LRRC3B: variants seen among roughly 807,000 people sequenced by gnomAD.
LRRC3B encodes the protein leucine-rich repeat-containing protein 3B.
LRRC3B carries 2 observed loss-of-function variants against 12.8 expected under a neutral mutation model. That is an observed-to-expected ratio of 0.16 (90% CI 0.06 to 0.49). The LOEUF (loss-of-function observed/expected upper bound fraction) is 0.49. Ranked by LOEUF, LRRC3B falls within the 20% of genes least tolerant of loss-of-function variation. The pLI, the probability that LRRC3B is intolerant of heterozygous loss-of-function variation, is 0.96. For missense variants in LRRC3B, 189 were observed against 319.4 expected (o/e 0.59, Z 3.11); for synonymous variants, 132 against 122.0 (o/e 1.08, Z -0.54).
intron 1 of LRRC3B, among the ~76,000 whole-genome samples, chr3:26,642,028 G>A (rs1699041351): frequency 6.6e-6 from 1 of 152,090 alleles, no homozygotes; most frequent in South Asian, 2.1e-4. Context: ...AAAAAATTAT[G>A]TTGTGCAAAA....
intron 1 of LRRC3B, among the ~76,000 whole-genome samples, chr3:26,687,852 T>C (rs1371928688): frequency 2.0e-5 from 3 of 152,220 alleles, no homozygotes; most frequent in Non-Finnish European, 4.4e-5. Flanking sequence ...AGATAATCCA[T>C]AGTTTGAATA....
intron 1 of LRRC3B, among the ~76,000 whole-genome samples, chr3:26,647,044 A>G (rs962053283): frequency 1.3e-5 from 2 of 152,092 alleles, no homozygotes; most frequent in Admixed American, 1.3e-4. Flanking sequence ...CTACAGCCAT[A>G]CTGGCCTTCC....
intron 1 of LRRC3B, chr3:26,623,637 C>T (rs925202024): frequency 6.6e-6 from 1 of 152,484 alleles, no homozygotes; most frequent in African/African-American, 2.4e-5. Context: ...GCTCCTGAGG[C>T]GAGGGTTTGG....
At chr3:26,703,095 C>A (rs1700497641) in intron 1 of LRRC3B, among the ~76,000 whole-genome samples, 3 of 152,058 alleles carry the variant, frequency 2.0e-5, no homozygotes, top group African/African-American at 7.2e-5. Flanking sequence ...GGAAAAATTA[C>A]TTATGCAATT....
At chr3:26,657,544 C>T (rs1013962605) in intron 1 of LRRC3B, among the ~76,000 whole-genome samples, 3 of 151,704 alleles carry the variant, frequency 2.0e-5, no homozygotes, top group Non-Finnish European at 4.4e-5. Context: ...TTCTAACTTT[C>T]TTATTTGCTA....
chr3:26,686,090 T>C (rs1256273338), intron 1 of LRRC3B, among the ~76,000 whole-genome samples: 2 of 152,036 alleles, frequency 1.3e-5, no homozygotes, highest in Non-Finnish European at 2.9e-5. Context: ...TCCTTTCTTT[T>C]TTTTTTCGAG....
intron 1 of LRRC3B, among the ~76,000 whole-genome samples, chr3:26,655,260 GA>G (rs1699350114): frequency 1.3e-5 from 2 of 152,082 alleles, no homozygotes; most frequent in Admixed American, 1.3e-4. Context: ...GATATTACAA[GA>G]AAGAAATAAG....
At chr3:26,680,523 G>T (rs140546931) in intron 1 of LRRC3B, among the ~76,000 whole-genome samples, 174 of 152,282 alleles carry the variant, frequency 1.1e-3, no homozygotes, top group African/African-American at 3.9e-3. Context: ...CCATTTGTGG[G>T]TAGGGTAGCC....
intron 1 of LRRC3B, among the ~76,000 whole-genome samples, chr3:26,662,975 G>A (rs1559358903): frequency 6.6e-6 from 1 of 152,078 alleles, no homozygotes; most frequent in African/African-American, 2.4e-5. Context: ...GTGCCTTCTG[G>A]GAATCAAGAG....
chr3:26,637,960 A>G (rs1435524671), intron 1 of LRRC3B, among the ~76,000 whole-genome samples: 1 of 152,214 alleles, frequency 6.6e-6, no homozygotes, highest in Non-Finnish European at 1.5e-5. Context: ...TCATATTTCA[A>G]ACAACAATAG....
intron 1 of LRRC3B, among the ~76,000 whole-genome samples, chr3:26,661,527 T>TA (rs1367700101): frequency 2.0e-5 from 3 of 152,172 alleles, no homozygotes; most frequent in Admixed American, 6.5e-5. Flanking sequence ...TACCCTATTT[T>TA]AAAAAATGTT....
chr3:26,625,665 C>T (rs1220029809), intron 1 of LRRC3B, among the ~76,000 whole-genome samples: 3 of 152,184 alleles, frequency 2.0e-5, no homozygotes, highest in Non-Finnish European at 4.4e-5. Context: ...TCCTTGGCAA[C>T]TTGAGGAAAG....
intron 1 of LRRC3B, among the ~76,000 whole-genome samples, chr3:26,628,160 T>C (rs1166375883): frequency 6.6e-6 from 1 of 152,210 alleles, no homozygotes; most frequent in Non-Finnish European, 1.5e-5. Flanking sequence ...TCTTAAATCA[T>C]ATAAATATGA....
Position 26,685,521 on chromosome 3 carries a change from CTCTATATA to C in LRRC3B, c.-160-23990_-160-23983del, listed in dbSNP as rs1283585923. ...TCTCTCTCTCTCTCTCTCTCTCTCTCTCTATATATATATATATATATATATATATATAT... is the reference window on the plus strand; with the variant it reads ...TCTCTCTCTCTCTCTCTCTCTCTCTCTATATATATATATATATATATATAT... On this transcript the variant is annotated intron_variant, in intron 1 of 1. Transcript: ENST00000396641. Among the ~76,000 whole-genome samples, 322 of 41,450 alleles carry C rather than the reference CTCTATATA, an allele frequency of 7.8e-3. 2 individuals carry two copies. The highest frequency in any genetic ancestry group is 0.023 in the African/African-American group (201 of 8,694). The allele number at this position is 41,450 out of a possible 152,430, so 27.2% of individuals were successfully genotyped here.
exon 2 of LRRC3B, chr3:26,710,219 A>C: frequency 6.2e-7 from 1 of 1,613,786 alleles, no homozygotes; most frequent in Non-Finnish European, 8.5e-7. Flanking sequence ...ACATGCTGGC[A>C]GACCATTCCT....
intron 1 of LRRC3B, among the ~76,000 whole-genome samples, chr3:26,671,373 T>TATATATAGAGAGAGAGAGAGAGAGAGAG (rs1261897533): frequency 2.1e-4 from 6 of 28,252 alleles, no homozygotes; most frequent in African/African-American, 5.8e-4. Flanking sequence ...TATATATATA[T>TATATATAGAGAGAGAGAGAGAGAGAGAG]AGAGAGAGAG....
At chr3:26,697,236 G>A (rs1456560069) in intron 1 of LRRC3B, among the ~76,000 whole-genome samples, 1 of 152,018 alleles carries the variant, frequency 6.6e-6, no homozygotes, top group Non-Finnish European at 1.5e-5. Flanking sequence ...AGTTTCAATG[G>A]ACAAAAAATC....
chr3:26,624,852 A>T (rs1434696294), intron 1 of LRRC3B: 1 of 152,198 alleles, frequency 6.6e-6, no homozygotes, highest in African/African-American at 2.4e-5. Context: ...AGCAATCTGG[A>T]GTGCAAGACC....
At chr3:26,627,098 A>G (rs1018788018) in intron 1 of LRRC3B, among the ~76,000 whole-genome samples, 2 of 152,188 alleles carry the variant, frequency 1.3e-5, no homozygotes, top group African/African-American at 4.8e-5. Context: ...ACTTCCGATA[A>G]TATTTGCCAC....
Sources: allele counts gnomAD v4.1 joint callset (sites outside exome capture counted in the v4.1 genomes callset), GRCh38; gene constraint gnomAD v4.1.1; transcripts MANE v1.5; gene names NCBI Gene and HGNC (gene_info 2026-07-23, HGNC 2026-07-21).